TMOD1: variants seen among roughly 807,000 people sequenced by gnomAD.
TMOD1 encodes the protein tropomodulin 1.
In TMOD1, 17 loss-of-function variants were observed where a neutral mutation model predicts 40.6. That is an observed-to-expected ratio of 0.42 (90% CI 0.29 to 0.63). The LOEUF (loss-of-function observed/expected upper bound fraction) is 0.63, where lower values mean the gene tolerates loss of function less well. Ranked by LOEUF, TMOD1 falls within the 20% of genes least tolerant of loss-of-function variation. The pLI, the probability that TMOD1 is intolerant of heterozygous loss-of-function variation, is 0.22. For missense variants in TMOD1, 391 were observed against 447.6 expected (o/e 0.87, Z 1.14); for synonymous variants, 181 against 175.0 (o/e 1.03, Z -0.27).
At chr9:97,559,531 A>G in intron 4 of TMOD1, among the ~76,000 whole-genome samples, 1 of 151,300 alleles carries the variant, frequency 6.6e-6, no homozygotes, top group Admixed American at 6.6e-5. Context: ...TTGGAAGTCC[A>G]AGACAGGCGG....
At chr9:97,580,816 T>G (rs1407580309) in intron 8 of TMOD1, among the ~76,000 whole-genome samples, 1 of 152,160 alleles carries the variant, frequency 6.6e-6, no homozygotes, top group African/African-American at 2.4e-5. Flanking sequence ...TGTCTCTTCC[T>G]TCTGCCTCCT....
intron 1 of TMOD1, among the ~76,000 whole-genome samples, chr9:97,515,900 A>G (rs1190227155): frequency 6.6e-6 from 1 of 152,180 alleles, no homozygotes; most frequent in Non-Finnish European, 1.5e-5. Flanking sequence ...AACTGCAAGC[A>G]TAAAAGTAGT....
At chr9:97,520,995 T>C (rs973931449) in intron 1 of TMOD1, among the ~76,000 whole-genome samples, 1 of 152,214 alleles carries the variant, frequency 6.6e-6, no homozygotes, top group Non-Finnish European at 1.5e-5. Context: ...GCTTTTACTA[T>C]AAAGCATCTA....
At chr9:97,575,365 A>G (rs1405337404) in intron 8 of TMOD1, among the ~76,000 whole-genome samples, 1 of 152,194 alleles carries the variant, frequency 6.6e-6, no homozygotes, top group Non-Finnish European at 1.5e-5. Flanking sequence ...CTCCGGACAC[A>G]CCGCCTTTAA....
chr9:97,533,972 G>A (rs139319611), intron 2 of TMOD1, among the ~76,000 whole-genome samples: 470 of 152,300 alleles, frequency 3.1e-3, no homozygotes, highest in Middle Eastern at 0.014. Flanking sequence ...TTCCTAAGGT[G>A]TAGCCCTATA....
At chr9:97,549,833 G>A (rs887850303) in intron 3 of TMOD1, among the ~76,000 whole-genome samples, 13 of 151,884 alleles carry the variant, frequency 8.6e-5, no homozygotes, top group African/African-American at 1.9e-4. Flanking sequence ...AATCATCTCC[G>A]TACCTCCACC....
intron 3 of TMOD1, among the ~76,000 whole-genome samples, chr9:97,546,647 G>C (rs1203044097): frequency 6.6e-6 from 1 of 152,152 alleles, no homozygotes; most frequent in Non-Finnish European, 1.5e-5. Context: ...ACAGTTTTGA[G>C]AGTAAAAGAA....
chr9:97,557,694 C>T lies in TMOD1; in HGVS notation c.397+4294C>T, dbSNP rs1401650015. 2.0e-5 allele frequency among the ~76,000 whole-genome samples: 3 copies of T among 152,304 alleles called. No individual in the cohort carries two copies. The East Asian group carries it at 5.8e-4, about 29-fold the overall frequency. On this transcript the variant is annotated intron_variant, in intron 4 of 9. Transcript: ENST00000259365. The surrounding 1 kb of genome is among the most constrained non-coding windows in gnomAD (Gnocchi z 4.4). ...CATCTTCCAGCCATCTGCCCAGAGC[C>T]AGCCCGAGCAGCTGGCAGCAGGAGG... is the stretch of plus-strand genomic sequence containing the variant.
chr9:97,514,210 C>T (rs113841633), intron 1 of TMOD1, among the ~76,000 whole-genome samples: 238 of 150,968 alleles, frequency 1.6e-3, no homozygotes, highest in African/African-American at 5.2e-3. Flanking sequence ...TACAGGTGCC[C>T]GCCACCACAC....
intron 3 of TMOD1, among the ~76,000 whole-genome samples, chr9:97,551,184 C>A (rs1038362282): frequency 2.0e-5 from 3 of 151,622 alleles, no homozygotes; most frequent in Admixed American, 6.6e-5. Flanking sequence ...CCATCACGCC[C>A]GGCTAATTTT....
intron 4 of TMOD1, among the ~76,000 whole-genome samples, chr9:97,555,264 C>T (rs977294823): frequency 2.0e-5 from 3 of 152,186 alleles, no homozygotes; most frequent in Non-Finnish European, 2.9e-5. Context: ...CCCTTGAGGT[C>T]GGGTTAATCT....
At chr9:97,554,259 G>A (rs1830500860) in intron 4 of TMOD1, among the ~76,000 whole-genome samples, 1 of 152,130 alleles carries the variant, frequency 6.6e-6, no homozygotes, top group Admixed American at 6.5e-5. Context: ...TGACTGATTG[G>A]CTGTGAGAGT....
chr9:97,568,841 C>T, intron 7 of TMOD1, 53 bp from the exon 8 acceptor site: 1 of 1,604,678 alleles, frequency 6.2e-7, no homozygotes, highest in Non-Finnish European at 8.5e-7. Context: ...GAGGGGCCTC[C>T]AGCCTTGCTC....
intron 4 of TMOD1, chr9:97,555,699 T>A: frequency 1.3e-6 from 2 of 1,549,404 alleles, no homozygotes; most frequent in Non-Finnish European, 1.7e-6. Context: ...ACCTACCATG[T>A]CCCAGGTTCT....
In TMOD1 at chr9:97,601,151, G is replaced by A; in HGVS notation, c.*1453G>A. 2.3e-6 allele frequency: 3 copies of A among 1,303,412 alleles called. No individual in the cohort carries two copies. Among genetic ancestry groups the A allele is most frequent in the Non-Finnish European group, 2.0e-6 (2 of 988,610 alleles). The allele number at this position is 1,303,412 out of a possible 1,614,324, so 80.7% of individuals were successfully genotyped here. A position where few individuals can be genotyped will look rare whatever the true frequency, so the allele number is the denominator to read the frequency against. On this transcript the variant is annotated 3_prime_UTR_variant, in exon 10 of 10. Transcript: ENST00000259365. The stretch of plus-strand genomic sequence containing the variant: ...CATGGCCCAGGAGTGGCACCATGTT[G>A]CAGGGACAACCATCCCCATTTGGCT...
At chr9:97,567,504 C>T (rs1830746129) in intron 7 of TMOD1, among the ~76,000 whole-genome samples, 1 of 152,232 alleles carries the variant, frequency 6.6e-6, no homozygotes, top group East Asian at 1.9e-4. Flanking sequence ...GAGTTAACAC[C>T]TGGCAAGACA....
intron 1 of TMOD1, among the ~76,000 whole-genome samples, chr9:97,505,832 T>G (rs1170566696): frequency 6.6e-6 from 1 of 152,134 alleles, no homozygotes; most frequent in Non-Finnish European, 1.5e-5. Flanking sequence ...CAGTAAGGAC[T>G]TCCTCTCTCC....
At chr9:97,533,990 T>G (rs1009392439) in intron 2 of TMOD1, among the ~76,000 whole-genome samples, 6 of 152,146 alleles carry the variant, frequency 3.9e-5, no homozygotes, top group Non-Finnish European at 7.3e-5. Context: ...ATAGCCATAA[T>G]AGCCACATTC....
At chr9:97,562,653 C>A in intron 4 of TMOD1, 79 bp from the exon 5 acceptor site, 1 of 1,033,556 alleles carries the variant, frequency 9.7e-7, no homozygotes, top group Non-Finnish European at 1.4e-6. Context: ...GCCAGAGTTC[C>A]CGGGGTTTGG....
Sources: gnomAD v4.1 joint callset for allele counts (sites outside exome capture counted in the v4.1 genomes callset) on GRCh38, gnomAD v4.1.1 for gene constraint, Gnocchi (gnomAD v3.1) non-coding constraint, MANE v1.5 for transcripts, NCBI Gene and HGNC (gene_info 2026-07-23, HGNC 2026-07-21) for gene names.